Variants in FGF13 observed in about 807,000 individuals in gnomAD.
FGF13 encodes fibroblast growth factor 13.
In FGF13, 2 loss-of-function variants were observed where a neutral mutation model predicts 19.5. That is an observed-to-expected ratio of 0.10 (90% CI 0.04 to 0.32). The LOEUF (loss-of-function observed/expected upper bound fraction) is 0.32. Among genes scored for constraint, FGF13 ranks in the 10% least tolerant of loss-of-function variants. The pLI, the probability that FGF13 is intolerant of heterozygous loss-of-function variation, is 1.00. For missense variants in FGF13, 113 were observed against 192.7 expected (o/e 0.59, Z 2.45); for synonymous variants, 72 against 76.9 (o/e 0.94, Z 0.33).
intron 1 of FGF13, among the ~76,000 whole-genome samples, chrX:139,184,082 T>C (rs778234636): frequency 8.9e-6 from 1 of 112,506 alleles, no homozygotes; most frequent in South Asian, 3.7e-4. Context: ...AATGAAAATA[T>C]GGTATGCTTG....
chrX:138,901,377 T>C (rs768615804), intron 1 of FGF13, among the ~76,000 whole-genome samples: 5 of 111,590 alleles, frequency 4.5e-5, no homozygotes, highest in South Asian at 3.8e-4. Flanking sequence ...CCTAAGCCCA[T>C]AGGTCCTGCA....
chrX:139,032,398 G>A (rs2092230561), intron 1 of FGF13, among the ~76,000 whole-genome samples: 1 of 111,170 alleles, frequency 9.0e-6, no homozygotes, highest in Non-Finnish European at 1.9e-5. Flanking sequence ...TTCTTTTGAA[G>A]CACAGTTTGA....
intron 1 of FGF13, among the ~76,000 whole-genome samples, chrX:139,194,333 G>A (rs1354455716): frequency 9.0e-6 from 1 of 111,706 alleles, no homozygotes; most frequent in Non-Finnish European, 1.9e-5. Flanking sequence ...TGGAACCTTG[G>A]GTGATATTTT....
At chrX:139,044,542 T>C (rs2092280653) in intron 1 of FGF13, among the ~76,000 whole-genome samples, 1 of 111,207 alleles carries the variant, frequency 9.0e-6, no homozygotes, top group Non-Finnish European at 1.9e-5. Context: ...GAAACAATTA[T>C]CTAAACTATA....
At chrX:138,998,106 T>G (rs5931544) in intron 1 of FGF13, among the ~76,000 whole-genome samples, 5,582 of 111,297 alleles carry the variant, frequency 0.05, 146 homozygotes, top group Non-Finnish European at 0.078. Context: ...GAAGAAGAAA[T>G]AAAATCATTT....
At chrX:139,153,803 G>A (rs1324663402) in intron 1 of FGF13, among the ~76,000 whole-genome samples, 6 of 107,956 alleles carry the variant, frequency 5.6e-5, no homozygotes, top group Admixed American at 3.9e-4. Flanking sequence ...GACTGTTATC[G>A]TTATAAGTAG....
intron 1 of FGF13, among the ~76,000 whole-genome samples, chrX:139,109,220 T>C (rs1420873033): frequency 8.9e-6 from 1 of 111,949 alleles, no homozygotes; most frequent in East Asian, 2.8e-4. Flanking sequence ...TGTATTCTCT[T>C]GACAGGTATT....
intron 1 of FGF13, among the ~76,000 whole-genome samples, chrX:139,133,474 C>T (rs946654621): frequency 9.0e-6 from 1 of 110,919 alleles, no homozygotes; most frequent in African/African-American, 3.3e-5. Context: ...AAGGCCAAAG[C>T]ATAGACTGTC....
intron 1 of FGF13, among the ~76,000 whole-genome samples, chrX:139,049,622 C>T (rs1231311480): frequency 8.9e-6 from 1 of 112,518 alleles, no homozygotes; most frequent in Non-Finnish European, 1.9e-5. Flanking sequence ...TGGGAACTTG[C>T]CATGAGTCAC....
At chrX:139,131,384 TGTGTG>T (rs1569456241) in intron 1 of FGF13, among the ~76,000 whole-genome samples, 81 of 3,002 alleles carry the variant, frequency 0.027, 1 homozygote, top group African/African-American at 0.062. Context: ...TATAGAGGGG[TGTGTG>T]TGTGTGTGTG....
At chrX:138,709,498 AACC>A (rs1249912114) in intron 1 of FGF13, among the ~76,000 whole-genome samples, 20 of 112,063 alleles carry the variant, frequency 1.8e-4, no homozygotes, top group Admixed American at 9.5e-5. Flanking sequence ...AGGGAGATAC[AACC>A]ACCATTAACA....
At chrX:138,892,246 T>C (rs1187692389) in intron 1 of FGF13, among the ~76,000 whole-genome samples, 1 of 111,447 alleles carries the variant, frequency 9.0e-6, no homozygotes, top group African/African-American at 3.3e-5. Context: ...ACAAACCATG[T>C]GTCCTTGGGA....
At chrX:138,968,107 T>C (rs1304910551) in intron 1 of FGF13, among the ~76,000 whole-genome samples, 2 of 111,685 alleles carry the variant, frequency 1.8e-5, no homozygotes, top group Non-Finnish European at 3.8e-5. Flanking sequence ...ATGATTAAAA[T>C]AACATAAAAA....
chrX:138,777,228 C>A (rs759321720), intron 3 of FGF13, among the ~76,000 whole-genome samples: 5 of 111,400 alleles, frequency 4.5e-5, no homozygotes, highest in African/African-American at 1.6e-4. Flanking sequence ...TAATAAGTAG[C>A]CAGGGGAAGC....
At chrX:139,071,343 C>G (rs2124433419) in intron 1 of FGF13, among the ~76,000 whole-genome samples, 1 of 111,473 alleles carries the variant, frequency 9.0e-6, no homozygotes, top group Non-Finnish European at 1.9e-5. Flanking sequence ...TTATTACCAT[C>G]CTTTTAGTGG....
At chrX:138,643,852 T>C (rs1323876902) in intron 3 of FGF13, among the ~76,000 whole-genome samples, 1 of 111,498 alleles carries the variant, frequency 9.0e-6, no homozygotes, top group Non-Finnish European at 1.9e-5. Flanking sequence ...GAAAGGTGAA[T>C]CAAATATCAG....
At chrX:139,030,208 T>A (rs759827476) in intron 1 of FGF13, among the ~76,000 whole-genome samples, 3 of 110,859 alleles carry the variant, frequency 2.7e-5, no homozygotes, top group East Asian at 2.9e-4. Flanking sequence ...AAGAGTCCAA[T>A]GGGAAAGATA....
intron 1 of FGF13, among the ~76,000 whole-genome samples, chrX:139,056,930 C>T (rs2092322108): frequency 1.8e-5 from 2 of 111,559 alleles, no homozygotes; most frequent in East Asian, 2.8e-4. Context: ...AAATTAGCAG[C>T]GAAGGAGAAG....
At chrX:139,138,926 C>CTTT (rs758384021) in intron 1 of FGF13, among the ~76,000 whole-genome samples, 2 of 85,550 alleles carry the variant, frequency 2.3e-5, no homozygotes, top group Non-Finnish European at 4.5e-5. Flanking sequence ...TGTTATTTAT[C>CTTT]TTTTTTTTTT....
Sources: allele counts gnomAD v4.1 joint callset (sites outside exome capture counted in the v4.1 genomes callset), GRCh38; gene constraint gnomAD v4.1.1; transcripts MANE v1.5; gene names NCBI Gene and HGNC (gene_info 2026-07-23, HGNC 2026-07-21).